Variants in GRIN2A observed in about 807,000 individuals in gnomAD.
GRIN2A encodes glutamate ionotropic receptor NMDA type subunit 2A, also known as glutamate receptor ionotropic, NMDA 2A.
Under a neutral mutation model 113.4 loss-of-function variants are expected in GRIN2A, and 22 were observed. That is an observed-to-expected ratio of 0.19 (90% CI 0.14 to 0.28). The LOEUF is 0.28. Ranked by LOEUF, GRIN2A falls within the 10% of genes least tolerant of loss-of-function variation. The pLI is 1.00. For synonymous variants in GRIN2A, 827 were observed against 738.4 expected, an observed-to-expected ratio of 1.12 and a Z score of -1.94; for missense variants, 1,502 against 1,887.0, an observed-to-expected ratio of 0.80 and a Z score of 3.78.
At chr16:9,968,162 G>A (rs966558872) in intron 2 of GRIN2A, among the ~76,000 whole-genome samples, 7 of 151,964 alleles carry the variant, frequency 4.6e-5, no homozygotes, top group Admixed American at 2.0e-4. Flanking sequence ...TAATCTCCCC[G>A]ACACTCCCCC....
chr16:10,164,616 G>A (rs910198645), intron 2 of GRIN2A, among the ~76,000 whole-genome samples: 2 of 152,310 alleles, frequency 1.3e-5, no homozygotes, highest in Non-Finnish European at 2.9e-5. Flanking sequence ...GAGACAATGG[G>A]TGAGCAATGC....
At chr16:9,999,789 C>T (rs1192748565) in intron 2 of GRIN2A, among the ~76,000 whole-genome samples, 1 of 152,176 alleles carries the variant, frequency 6.6e-6, no homozygotes, top group African/African-American at 2.4e-5. Flanking sequence ...TCACTGATCA[C>T]AGGCTCTCAC....
intron 2 of GRIN2A, among the ~76,000 whole-genome samples, chr16:10,039,791 G>T (rs372634006): frequency 9.7e-6 from 1 of 102,578 alleles, no homozygotes; most frequent in African/African-American, 3.9e-5. Flanking sequence ...GGAGGGGGAG[G>T]GGGAGGGGGA....
At chr16:9,768,765 G>T in intron 12 of GRIN2A, 86 bp downstream of exon 12, 2 of 884,302 alleles carry the variant, frequency 2.3e-6, no homozygotes, top group Non-Finnish European at 3.9e-6. Flanking sequence ...AGGGGAGGAA[G>T]TGCAGACCCC....
At chr16:9,874,326 G>C (rs1431920316) in intron 4 of GRIN2A, among the ~76,000 whole-genome samples, 1 of 152,240 alleles carries the variant, frequency 6.6e-6, no homozygotes, top group East Asian at 1.9e-4. Context: ...GGTGGGGACT[G>C]ATTTACAGCT....
chr16:9,866,120 C>T (rs2043156465), intron 4 of GRIN2A, among the ~76,000 whole-genome samples: 1 of 152,138 alleles, frequency 6.6e-6, no homozygotes, highest in African/African-American at 2.4e-5. Flanking sequence ...TGTAAAGGAT[C>T]CACTCACCAG....
rs148284449 is a variant in GRIN2A, at chr16:10,174,702, CAGAT to C, written c.414+5292_414+5295del. 1.9e-3 allele frequency among the ~76,000 whole-genome samples: 291 copies of C among 152,168 alleles called. 2 individuals carry two copies. Among genetic ancestry groups the C allele is most frequent in the African/African-American group, 6.8e-3 (282 of 41,512 alleles). On this transcript the variant is annotated intron_variant, in intron 2 of 12. Transcript: ENST00000330684. ...ATCCTTGTTGAAATCTATAACTCAA[CAGAT>C]AGTCAAAATAATAGACCATCCATGC...
intron 2 of GRIN2A, among the ~76,000 whole-genome samples, chr16:10,175,328 C>A (rs545636909): frequency 6.6e-5 from 10 of 152,204 alleles, no homozygotes; most frequent in African/African-American, 2.4e-4. Context: ...CAACAGATAG[C>A]GGCTGAGATT....
At position 9,947,526 on chromosome 16, in the gene GRIN2A, C is replaced by G. The variant is rs561916499; in HGVS notation, c.415-8975G>C. ...GCTTTCCCATAACACTTGCTAGGGGCAGGCCCTGGTGGTAAACATTATCGT... is the reference window on the plus strand; with the variant it reads ...GCTTTCCCATAACACTTGCTAGGGGGAGGCCCTGGTGGTAAACATTATCGT... On this transcript the variant is annotated intron_variant, in intron 2 of 12. Coordinates refer to ENST00000330684, the MANE Select transcript of GRIN2A (RefSeq NM_001134407.3). Among the ~76,000 whole-genome samples the G allele has an allele frequency of 4.3e-4, 66 of 152,336 alleles. 2 individuals carry two copies. The highest frequency in any genetic ancestry group is 1.5e-3 in the African/African-American group (62 of 41,572).
At chr16:10,076,955 G>A (rs2047884303) in intron 2 of GRIN2A, among the ~76,000 whole-genome samples, 1 of 152,198 alleles carries the variant, frequency 6.6e-6, no homozygotes, top group East Asian at 1.9e-4. Flanking sequence ...CTTCAGAGGG[G>A]AATTTATCCT....
chr16:10,081,463 G>C (rs1207123125), intron 2 of GRIN2A, among the ~76,000 whole-genome samples: 1 of 152,218 alleles, frequency 6.6e-6, no homozygotes, highest in African/African-American at 2.4e-5. Context: ...AAAGTGTCTA[G>C]TGGCTGGAAA....
chr16:10,102,157 C>A (rs2048412279), intron 2 of GRIN2A, among the ~76,000 whole-genome samples: 1 of 152,216 alleles, frequency 6.6e-6, no homozygotes, highest in Admixed American at 6.5e-5. Context: ...TTTGTTCCCT[C>A]CAAACTCATG....
intron 2 of GRIN2A, among the ~76,000 whole-genome samples, chr16:9,963,827 A>G (rs896797548): frequency 6.6e-6 from 1 of 152,252 alleles, no homozygotes; most frequent in African/African-American, 2.4e-5. Flanking sequence ...GCACTGGAGT[A>G]TAGCAATGAT....
intron 2 of GRIN2A, among the ~76,000 whole-genome samples, chr16:10,002,164 G>A (rs1033104176): frequency 6.6e-6 from 1 of 152,132 alleles, no homozygotes; most frequent in East Asian, 1.9e-4. Flanking sequence ...CTTGCAAATG[G>A]CATAAAATAA....
intron 2 of GRIN2A, among the ~76,000 whole-genome samples, chr16:10,170,043 G>C (rs1414269523): frequency 6.6e-6 from 1 of 152,132 alleles, no homozygotes; most frequent in South Asian, 2.1e-4. Flanking sequence ...TAACATAAAT[G>C]TATGAATCAC....
At chr16:9,953,316 C>T (rs988229368) in intron 2 of GRIN2A, among the ~76,000 whole-genome samples, 31 of 152,174 alleles carry the variant, frequency 2.0e-4, no homozygotes, top group African/African-American at 7.5e-4. Context: ...AGGTTAGGGA[C>T]CCTGCTTTCT....
chr16:9,908,057 G>T (rs1413222723), intron 3 of GRIN2A, among the ~76,000 whole-genome samples: 1 of 152,174 alleles, frequency 6.6e-6, no homozygotes, highest in African/African-American at 2.4e-5. Context: ...GTGCTGGATG[G>T]CATGTGAGAA....
chr16:10,014,019 C>T (rs2046557775), intron 2 of GRIN2A, among the ~76,000 whole-genome samples: 1 of 152,240 alleles, frequency 6.6e-6, no homozygotes, highest in African/African-American at 2.4e-5. Context: ...TCTGTAATTA[C>T]ACACAGTTAC....
At chr16:10,099,480 C>A (rs2048352737) in intron 2 of GRIN2A, among the ~76,000 whole-genome samples, 1 of 125,164 alleles carries the variant, frequency 8.0e-6, no homozygotes, top group Non-Finnish European at 1.8e-5. Context: ...CCCTCCCTTG[C>A]ACCCCCTTCC....
Sources: allele counts gnomAD v4.1 joint callset (sites outside exome capture counted in the v4.1 genomes callset), GRCh38; gene constraint gnomAD v4.1.1; transcripts MANE v1.5; gene names NCBI Gene and HGNC (gene_info 2026-07-23, HGNC 2026-07-21).